Variants in MICB observed in about 807,000 individuals in gnomAD.
MICB encodes MHC class I polypeptide-related sequence B, also known as MHC class I antigen-related protein B.
A neutral mutation model predicts 34.3 loss-of-function variants in MICB; 27 were observed. The observed-to-expected ratio is 0.79, with a 90% CI of 0.58 to 1.08. The LOEUF (loss-of-function observed/expected upper bound fraction) is 1.08, where lower values mean the gene tolerates loss of function less well. Among genes scored for constraint, MICB ranks in the 50% least tolerant of loss-of-function variants. The pLI is 0.00. For missense variants in MICB, 426 were observed against 483.1 expected (o/e 0.88, Z 1.11); for synonymous variants, 153 against 187.4 (o/e 0.82, Z 1.50).
rs1311122511 is a variant in MICB at position 31,505,726 on chromosome 6, C to G, written c.180C>G (p.Asp60Glu). 6.2e-7 allele frequency: 1 copy of G among 1,613,122 alleles called. No homozygotes were observed. The highest frequency in any genetic ancestry group is 8.5e-7 in the Non-Finnish European group (1 of 1,180,038). The change falls in exon 2 of 6, where the codon GAC (aspartate) becomes GAG (glutamate). Residue 60 changes from aspartate to glutamate, a missense_variant. Transcript: ENST00000252229. ...HLDGQPFLRY[D>E]RQKRRAKPQG... ...ATGGTCAGCCCTTCCTGCGCTATGA[C>G]AGGCAGAAACGCAGGGCAAAGCCCC...
At chr6:31,498,992 G>C (rs9267381) in intron 1 of MICB, among the ~76,000 whole-genome samples, 49,789 of 149,808 alleles carry the variant, frequency 0.33, 8,305 homozygotes, top group East Asian at 0.46. Flanking sequence ...CGGATCTCAG[G>C]TCCCTGAAGT....
chr6:31,508,623 C>A (rs755840683), intron 5 of MICB, among the ~76,000 whole-genome samples: 6 of 152,286 alleles, frequency 3.9e-5, no homozygotes, highest in Admixed American at 3.3e-4. Flanking sequence ...CTCTCACCTG[C>A]GGCGTCTCCC....
At chr6:31,498,522 C>A in intron 1 of MICB, 1 of 178,748 alleles carries the variant, frequency 5.6e-6, no homozygotes, top group Non-Finnish European at 1.1e-5. Flanking sequence ...GGCTGTAGTG[C>A]AGTGGCGCGA....
chr6:31,504,163 T>C (rs997865320), intron 1 of MICB, among the ~76,000 whole-genome samples: 2 of 151,586 alleles, frequency 1.3e-5, no homozygotes, highest in Non-Finnish European at 3.0e-5. Flanking sequence ...TAGCTTCTCA[T>C]GGCTATTTTG....
chr6:31,507,554 G>A lies in MICB; in HGVS notation c.1024+23G>A, dbSNP rs1562367477. On this transcript the variant is annotated intron_variant, in intron 5 of 5. Transcript: ENST00000252229. This position sits in a 1 kb window ranked among gnomAD's most constrained non-coding sequence, Gnocchi z 6.0. The stretch of plus-strand genomic sequence containing the variant: ...CAGGTGAGAAAAGGGGACAGTTTCT[G>A]GAGATGGGAAAGCTCCTTTCTAGGC... 6.2e-7 allele frequency: 1 copy of A among 1,613,986 alleles called. No homozygotes were observed.
chr6:31,507,917 G>A lies in MICB; in HGVS notation c.1024+386G>A, dbSNP rs1213597030. Among the ~76,000 whole-genome samples the A allele has an allele frequency of 1.3e-5, 2 of 152,148 alleles. No individual in the cohort carries two copies. Among genetic ancestry groups the A allele is most frequent in the Non-Finnish European group, 1.5e-5 (1 of 68,008 alleles). ...GGGCCTGGATGATCATGGTGTCAGA[G>A]GGAGGAAATAGTAAAGGTGGCTGTG... On this transcript the variant is annotated intron_variant, in intron 5 of 5. Transcript: ENST00000252229. This position sits in a 1 kb window ranked among gnomAD's most constrained non-coding sequence, Gnocchi z 6.0.
chr6:31,496,176 G>A (rs1487760781), upstream of MICB, among the ~76,000 whole-genome samples: 1 of 150,844 alleles, frequency 6.6e-6, no homozygotes, highest in Non-Finnish European at 1.5e-5. Flanking sequence ...GACTAAGAAT[G>A]TGCGCTGGGG....
Position 31,505,713 on chromosome 6 carries a change from T to G in MICB, c.167T>G (p.Phe56Cys). The G allele has an allele frequency of 6.2e-7, 1 of 1,613,094 alleles. No homozygotes were observed. The highest frequency in any genetic ancestry group is 8.5e-7 in the Non-Finnish European group (1 of 1,180,036). ...GAGGGACATCTGGATGGTCAGCCCT[T>G]CCTGCGCTATGACAGGCAGAAACGC... ...LAEGHLDGQP[F>C]LRYDRQKRRA... The change falls in exon 2 of 6, where the codon TTC becomes TGC. Residue 56 changes from phenylalanine to cysteine, a missense_variant. Transcript: ENST00000252229.
chr6:31,498,695 C>G (rs559084201), intron 1 of MICB: 1 of 155,510 alleles, frequency 6.4e-6, no homozygotes, highest in Non-Finnish European at 1.4e-5. Flanking sequence ...TCTCGATCTC[C>G]TGACCTCGTG....
chr6:31,496,300 T>C, upstream of MICB, among the ~76,000 whole-genome samples: 1 of 152,204 alleles, frequency 6.6e-6, no homozygotes, highest in East Asian at 1.9e-4. Flanking sequence ...CAGTGGCTTC[T>C]AGCATAATCA....
rs1318074573 is a variant in MICB, at chr6:31,505,545, G to T, written c.71-72G>T. 3 of 1,586,550 alleles carry T rather than the reference G, an allele frequency of 1.9e-6. No individual in the cohort carries two copies. In the Admixed American group the frequency reaches 5.1e-5, roughly 27 times the overall value. ...CCTCCTCAGGGAGGTCGGGACAGCA[G>T]ACCTGTGTGTTAAACATCAATGTGA... is the stretch of plus-strand genomic sequence containing the variant. On this transcript the variant is annotated intron_variant, in intron 1 of 5. Transcript: ENST00000252229.
In MICB at chr6:31,506,212, A is replaced by G; in HGVS notation, c.395A>G (p.His132Arg). The change falls in exon 3 of 6, where the codon CAT becomes CGT. Residue 132 changes from histidine to arginine, a missense_variant. By Grantham distance (29) the His-to-Arg change is conservative. Transcript: ENST00000252229. ...HEDSSTRGSR[H>R]FYYDGELFLS... is the part of the protein sequence containing the mutation. ...GACAGCAGCACCAGGGGCTCCCGGCATTTCTACTACGATGGGGAGCTCTTC... is the reference window on the plus strand; with the variant it reads ...GACAGCAGCACCAGGGGCTCCCGGCGTTTCTACTACGATGGGGAGCTCTTC... 6.2e-7 allele frequency: 1 copy of G among 1,614,102 alleles called. No individual in the cohort carries two copies. Among genetic ancestry groups the G allele is most frequent in the South Asian group, 1.1e-5 (1 of 91,076 alleles).
At chr6:31,508,996 T>A (rs748381872) in intron 5 of MICB, among the ~76,000 whole-genome samples, 60 of 152,030 alleles carry the variant, frequency 3.9e-4, no homozygotes, top group Non-Finnish European at 7.2e-4. Flanking sequence ...AAAGTCCTTG[T>A]AGGTTGCAAG....
At chr6:31,501,657 T>C (rs550794819) in intron 1 of MICB, among the ~76,000 whole-genome samples, 77 of 152,322 alleles carry the variant, frequency 5.1e-4, no homozygotes, top group Non-Finnish European at 1.0e-3. Flanking sequence ...TAAGGATATC[T>C]AGTTTCCCCA....
intron 1 of MICB, among the ~76,000 whole-genome samples, chr6:31,503,763 A>G (rs145516623): frequency 6.6e-6 from 1 of 152,288 alleles, no homozygotes; most frequent in East Asian, 1.9e-4. Context: ...TCTTGGGTAT[A>G]TATTTATTTC....
chr6:31,498,154 G>T lies in MICB; in HGVS notation c.-40G>T. ...TCTTCTCACGGGTTTCATTCAGTTG[G>T]CCACTGCTGAGCAGCTGAGAAGGTG... On this transcript the variant is annotated 5_prime_UTR_variant, in exon 1 of 6. Transcript: ENST00000252229. The T allele has an allele frequency of 1.3e-6, 2 of 1,533,752 alleles. No individual in the cohort carries two copies. The highest frequency in any genetic ancestry group is 1.8e-6 in the Non-Finnish European group (2 of 1,128,318).
intron 1 of MICB, among the ~76,000 whole-genome samples, 183 bp downstream of exon 1, chr6:31,498,446 C>CTTTTTTTTTTTTTTT (rs9279321): frequency 2.2e-5 from 2 of 89,306 alleles, no homozygotes; most frequent in Non-Finnish European, 2.1e-5. Context: ...TCTCCCGTCT[C>CTTTTTTTTTTTTTTT]TTTTTTTTTT....
intron 1 of MICB, among the ~76,000 whole-genome samples, chr6:31,499,477 C>T (rs1371035962): frequency 6.6e-6 from 1 of 152,002 alleles, no homozygotes; most frequent in Non-Finnish European, 1.5e-5. Context: ...GCAGCCTTCA[C>T]TCCGTGCTGC....
chr6:31,510,734 C>T lies in MICB; in HGVS notation c.*825C>T, dbSNP rs1259568512. 2.0e-5 allele frequency: 3 copies of T among 151,982 alleles called. No homozygotes were observed. Among genetic ancestry groups the T allele is most frequent in the Non-Finnish European group, 4.4e-5 (3 of 67,984 alleles). The allele number at this position is 151,982 out of a possible 1,614,324, so 9.4% of individuals were successfully genotyped here. On this transcript the variant is annotated 3_prime_UTR_variant, in exon 6 of 6. Coordinates refer to ENST00000252229, the MANE Select transcript of MICB (RefSeq NM_005931.5). ...CTAATTTTTGTATTTTTTGTAGAGA[C>T]GGGGTTTCGCCAAGTTGACCAGCCC...
Sources: allele counts gnomAD v4.1 joint callset (sites outside exome capture counted in the v4.1 genomes callset), GRCh38; gene constraint gnomAD v4.1.1; non-coding constraint Gnocchi (gnomAD v3.1); transcripts MANE v1.5; gene names NCBI Gene and HGNC (gene_info 2026-07-23, HGNC 2026-07-21).